MARCHF10: variants seen among roughly 807,000 people sequenced by gnomAD.
MARCHF10 encodes membrane associated ring-CH-type finger 10.
Under a neutral mutation model 76.2 loss-of-function variants are expected in MARCHF10, and 64 were observed. The observed-to-expected ratio is 0.84, with a 90% confidence interval of 0.69 to 1.03. MARCHF10 has a LOEUF of 1.03. MARCHF10 is among the 50% of genes least tolerant of loss of function. The pLI, the probability that MARCHF10 is intolerant of heterozygous loss-of-function variation, is 0.00. For synonymous variants in MARCHF10, 340 were observed against 357.5 expected, an observed-to-expected ratio of 0.95 and a Z score of 0.55; for missense variants, 875 against 958.0, an observed-to-expected ratio of 0.91 and a Z score of 1.14.
chr17:62,792,880 C>T (rs377647109), intron 2 of MARCHF10, among the ~76,000 whole-genome samples: 3,751 of 137,234 alleles, frequency 0.027, 243 homozygotes, highest in African/African-American at 0.099. Context: ...CATCACCATC[C>T]CCTCCATCAA....
chr17:62,713,864 T>G (rs889837838), intron 8 of MARCHF10, among the ~76,000 whole-genome samples: 1 of 152,190 alleles, frequency 6.6e-6, no homozygotes, highest in African/African-American at 2.4e-5. Context: ...GGAGAAGGCA[T>G]GTGAAACAGC....
rs1017800571 is a variant in MARCHF10 at position 62,807,252 on chromosome 17, T to C, written c.-18+825A>G. 2.0e-5 allele frequency among the ~76,000 whole-genome samples: 3 copies of C among 152,122 alleles called. No homozygotes were observed. In the East Asian group the frequency reaches 5.8e-4, roughly 29 times the overall value. ...CATGTCTTGAGTATAAGCAACAAAGTTTACGATTTGGGCCCAATTTAAGAA... is the reference window on the plus strand; with the variant it reads ...CATGTCTTGAGTATAAGCAACAAAGCTTACGATTTGGGCCCAATTTAAGAA... On this transcript the variant is annotated intron_variant, in intron 1 of 10. Transcript: ENST00000311269.
intron 7 of MARCHF10, among the ~76,000 whole-genome samples, chr17:62,723,983 G>A (rs1214527081): frequency 6.6e-6 from 1 of 152,144 alleles, no homozygotes; most frequent in African/African-American, 2.4e-5. Flanking sequence ...TGTCCTTGGT[G>A]AGGGGGCGTG....
chr17:62,802,704 G>A (rs2093096106), intron 1 of MARCHF10, among the ~76,000 whole-genome samples: 1 of 152,170 alleles, frequency 6.6e-6, no homozygotes, highest in South Asian at 2.1e-4. Context: ...GAGTGAGCTA[G>A]CTGAGAAGTG....
intron 2 of MARCHF10, among the ~76,000 whole-genome samples, chr17:62,790,689 A>G (rs539795432): frequency 4.6e-4 from 70 of 152,358 alleles, no homozygotes; most frequent in South Asian, 8.3e-4. Flanking sequence ...CTGTTAGAAA[A>G]AGCATCTCCT....
At chr17:62,749,678 CAG>C (rs775338870) in intron 4 of MARCHF10, among the ~76,000 whole-genome samples, 3 of 152,112 alleles carry the variant, frequency 2.0e-5, no homozygotes, top group Non-Finnish European at 1.5e-5. Flanking sequence ...TTTTGGAACT[CAG>C]GGGTGGGATT....
intron 2 of MARCHF10, among the ~76,000 whole-genome samples, chr17:62,790,170 A>G (rs1031376354): frequency 6.6e-5 from 10 of 152,164 alleles, no homozygotes; most frequent in African/African-American, 2.4e-4. Flanking sequence ...ACCTCAAAAT[A>G]GTAAAAGTTT....
chr17:62,729,202 A>G (rs1367298705), intron 6 of MARCHF10, among the ~76,000 whole-genome samples: 4 of 151,796 alleles, frequency 2.6e-5, no homozygotes, highest in African/African-American at 9.7e-5. Flanking sequence ...CTTGGCCTCT[A>G]AAAGTGCTGG....
chr17:62,757,620 C>G (rs1015143069), intron 4 of MARCHF10, among the ~76,000 whole-genome samples: 14 of 152,172 alleles, frequency 9.2e-5, no homozygotes, highest in Admixed American at 7.9e-4. Flanking sequence ...ACAACTGATT[C>G]CACTTCTGCA....
At position 62,738,239 on chromosome 17, in the gene MARCHF10, C is replaced by T. The variant is rs768738151; in HGVS notation, c.536-907G>A. ...GTGATGGAATGAACATTTGAACCCA[C>T]GCCTGCTCGATACTAGGGTTTGTGT... On this transcript the variant is annotated intron_variant, in intron 5 of 10. Coordinates refer to ENST00000311269, the MANE Select transcript of MARCHF10 (RefSeq NM_152598.4). The surrounding 1 kb of genome is among the most constrained non-coding windows in gnomAD (Gnocchi z 4.0). Among the ~76,000 whole-genome samples the T allele has an allele frequency of 4.6e-5, 7 of 152,184 alleles. No homozygotes were observed. The highest frequency in any genetic ancestry group is 2.1e-4 in the South Asian group (1 of 4,822).
chr17:62,717,051 CG>C (rs1356501339), intron 8 of MARCHF10, among the ~76,000 whole-genome samples: 1 of 152,260 alleles, frequency 6.6e-6, no homozygotes, highest in African/African-American at 2.4e-5. Context: ...CACCGCGCCT[CG>C]GGGACGAGCT....
chr17:62,761,623 T>C (rs1221355793), intron 3 of MARCHF10, among the ~76,000 whole-genome samples: 1 of 152,144 alleles, frequency 6.6e-6, no homozygotes, highest in Non-Finnish European at 1.5e-5. Flanking sequence ...GGTTTCGTTA[T>C]GTTGGCCAGG....
chr17:62,741,509 G>A (rs763257925), intron 5 of MARCHF10, among the ~76,000 whole-genome samples: 1 of 152,242 alleles, frequency 6.6e-6, no homozygotes. Context: ...CAGTGCCCAG[G>A]AATGTTCGTT....
At chr17:62,721,824 C>T (rs1201536703) in intron 8 of MARCHF10, among the ~76,000 whole-genome samples, 3 of 152,170 alleles carry the variant, frequency 2.0e-5, no homozygotes, top group African/African-American at 7.2e-5. Flanking sequence ...GGGACCATTT[C>T]CTCCAAGACC....
rs573693142 is a variant in MARCHF10 at position 62,765,213 on chromosome 17, G to A, written c.211-5207C>T. Among the ~76,000 whole-genome samples the A allele has an allele frequency of 1.2e-3, 179 of 152,016 alleles. 1 individual carries two copies. Among genetic ancestry groups the A allele is most frequent in the Non-Finnish European group, 1.9e-3 (126 of 67,986 alleles). On this transcript the variant is annotated intron_variant, in intron 3 of 10. Coordinates refer to ENST00000311269, the MANE Select transcript of MARCHF10 (RefSeq NM_152598.4). ...AATACAAAAAAAAAATTAGCTGGGC[G>A]TAGTGGCATGCGCCTGTAATTCCAG...
chr17:62,744,079 G>A (rs937149688), intron 5 of MARCHF10, among the ~76,000 whole-genome samples: 1 of 152,044 alleles, frequency 6.6e-6, no homozygotes, highest in African/African-American at 2.4e-5. Context: ...GCCCTCTGGA[G>A]CAGCTGTACA....
chr17:62,704,070 G>A (rs1420209712), intron 10 of MARCHF10, among the ~76,000 whole-genome samples: 1 of 151,774 alleles, frequency 6.6e-6, no homozygotes, highest in African/African-American at 2.4e-5. Flanking sequence ...GCGGCGCCGG[G>A]ACCCTGCTGC....
At chr17:62,790,280 A>C (rs377201857) in intron 2 of MARCHF10, among the ~76,000 whole-genome samples, 25 of 152,076 alleles carry the variant, frequency 1.6e-4, no homozygotes, top group East Asian at 5.8e-4. Flanking sequence ...GGTTCAAGCG[A>C]TTCTCCTGCC....
chr17:62,726,774 G>A (rs1053870105), intron 6 of MARCHF10, among the ~76,000 whole-genome samples: 4 of 152,030 alleles, frequency 2.6e-5, no homozygotes, highest in East Asian at 1.9e-4. Flanking sequence ...GATTATAGGC[G>A]TGCACCACCA....
Sources: allele counts gnomAD v4.1 joint callset (sites outside exome capture counted in the v4.1 genomes callset), GRCh38; gene constraint gnomAD v4.1.1; non-coding constraint Gnocchi (gnomAD v3.1); transcripts MANE v1.5; gene names NCBI Gene and HGNC (gene_info 2026-07-23, HGNC 2026-07-21).